HPD: variants seen among roughly 807,000 people sequenced by gnomAD.
The protein encoded by HPD is 4-hydroxyphenylpyruvic acid oxidase.
A neutral mutation model predicts 56.9 loss-of-function variants in HPD; 35 were observed. The observed-to-expected ratio is 0.62, with a 90% CI of 0.47 to 0.82. HPD has a LOEUF of 0.82. Among genes scored for constraint, HPD ranks in the 40% least tolerant of loss-of-function variants. HPD has a pLI of 0.00. For synonymous variants in HPD, 186 were observed against 200.2 expected (o/e 0.93, Z 0.60); for missense variants, 442 against 506.8 (o/e 0.87, Z 1.23).
chr12:121,857,242 G>T (rs1049954384), intron 4 of HPD, 86 bp downstream of exon 4: 7 of 899,428 alleles, frequency 7.8e-6, no homozygotes, highest in Non-Finnish European at 1.1e-5. Context: ...ATCATGCCCA[G>T]CTAATTTTTC....
the HPD span, among the ~76,000 whole-genome samples, chr12:121,870,886 G>A: frequency 6.6e-6 from 1 of 151,774 alleles, no homozygotes; most frequent in South Asian, 2.1e-4. Context: ...ATGAGCCACC[G>A]CACCCGGCCT....
the HPD span, among the ~76,000 whole-genome samples, chr12:121,877,381 G>A: frequency 6.6e-6 from 1 of 152,140 alleles, no homozygotes; most frequent in Non-Finnish European, 1.5e-5. Flanking sequence ...TGAGAGGGGT[G>A]TGAGAGGCTG....
intron 2 of HPD, 103 bp from the exon 3 acceptor site, chr12:121,857,922 C>T (rs1454010485): frequency 2.3e-6 from 2 of 873,626 alleles, no homozygotes; most frequent in East Asian, 2.6e-5. Flanking sequence ...CCAGCCTCAA[C>T]CACAGAACTT....
At chr12:121,872,376 C>T in the HPD span, among the ~76,000 whole-genome samples, 10 of 151,730 alleles carry the variant, frequency 6.6e-5, no homozygotes, top group South Asian at 2.1e-4. Flanking sequence ...AACAGGAGCC[C>T]GCCACCAGGA....
chr12:121,879,340 G>T, the HPD span, among the ~76,000 whole-genome samples: 2 of 151,142 alleles, frequency 1.3e-5, no homozygotes, highest in African/African-American at 4.9e-5. Context: ...CGGGGTGGGG[G>T]GATGAAAATA....
the HPD span, among the ~76,000 whole-genome samples, chr12:121,886,155 C>G: frequency 6.9e-6 from 1 of 144,698 alleles, no homozygotes. Flanking sequence ...CTCGCCCGGG[C>G]TGGAGTGCAG....
At chr12:121,842,713 A>C (rs2137609773) in intron 12 of HPD, among the ~76,000 whole-genome samples, 1 of 149,784 alleles carries the variant, frequency 6.7e-6, no homozygotes, top group African/African-American at 2.5e-5. Context: ...TACAGGCATG[A>C]ACCACCATAC....
chr12:121,869,937 G>GATT, the HPD span, among the ~76,000 whole-genome samples: 12 of 151,918 alleles, frequency 7.9e-5, no homozygotes, highest in East Asian at 3.9e-4. Context: ...GAAGTGGGCT[G>GATT]ATTATTATTA....
upstream of HPD, among the ~76,000 whole-genome samples, chr12:121,864,244 C>CA (rs955664511): frequency 4.0e-5 from 6 of 149,858 alleles, no homozygotes; most frequent in South Asian, 2.1e-4. Context: ...CTCTGTCACA[C>CA]AAAAAAAAGA....
chr12:121,854,593 C>T, intron 7 of HPD, 110 bp downstream of exon 7: 1 of 827,096 alleles, frequency 1.2e-6, no homozygotes, highest in Non-Finnish European at 2.1e-6. Flanking sequence ...GGGACAATGT[C>T]TGTGCTCCAA....
intron 12 of HPD, among the ~76,000 whole-genome samples, chr12:121,843,274 G>T (rs1035770175): frequency 2.0e-5 from 3 of 152,118 alleles, no homozygotes; most frequent in African/African-American, 7.2e-5. Context: ...CTAGGTCATC[G>T]CTCAAAAACA....
At chr12:121,871,550 A>G in the HPD span, among the ~76,000 whole-genome samples, 1 of 152,200 alleles carries the variant, frequency 6.6e-6, no homozygotes, top group Admixed American at 6.5e-5. Flanking sequence ...AGCTGGGACC[A>G]GAGCAGGTGA....
intron 7 of HPD, among the ~76,000 whole-genome samples, chr12:121,853,797 A>T (rs1175037864): frequency 6.6e-6 from 1 of 151,626 alleles, no homozygotes; most frequent in Admixed American, 6.6e-5. Context: ...CACAAAAATT[A>T]GCCGTGTGTG....
rs1338874889 is a variant in HPD, at chr12:121,856,565, C to T, written c.241+18G>A. 7 of 1,613,836 alleles carry T rather than the reference C, an allele frequency of 4.3e-6. No homozygotes were observed. In the East Asian group the frequency reaches 1.3e-4, roughly 31 times the overall value. On this transcript the variant is annotated intron_variant, in intron 5 of 13. Coordinates refer to ENST00000289004, the MANE Select transcript of HPD (RefSeq NM_002150.3). ...CCCACCCACAGAGCCATGCGTCCAC[C>T]CTCCCCGGGCACCTCACCTTTGTTC...
At chr12:121,888,245 T>A in the HPD span, among the ~76,000 whole-genome samples, 4 of 152,214 alleles carry the variant, frequency 2.6e-5, no homozygotes, top group Admixed American at 2.0e-4. Context: ...GAATATTTGT[T>A]AGCAGAAGGA....
intron 11 of HPD, among the ~76,000 whole-genome samples, chr12:121,845,655 T>C (rs1877560575): frequency 6.6e-6 from 1 of 151,356 alleles, no homozygotes; most frequent in Non-Finnish European, 1.5e-5. Flanking sequence ...ACGTTGGTCT[T>C]GAACTTCTGA....
upstream of HPD, among the ~76,000 whole-genome samples, chr12:121,859,670 G>C (rs926328011): frequency 7.9e-5 from 12 of 152,350 alleles, no homozygotes; most frequent in African/African-American, 2.9e-4. Flanking sequence ...GAACTGGTAA[G>C]AGCAGAGCCC....
the HPD span, among the ~76,000 whole-genome samples, chr12:121,885,741 T>C: frequency 6.6e-6 from 1 of 151,016 alleles, no homozygotes; most frequent in Admixed American, 6.6e-5. Flanking sequence ...GGCGGGTGGA[T>C]TGCCTGAGGT....
chr12:121,857,508 G>GC, intron 3 of HPD, 76 bp from the exon 4 acceptor site: 1 of 1,131,804 alleles, frequency 8.8e-7, no homozygotes. Context: ...AGAGCCCCTG[G>GC]CCCCCCTCAG....
Sources: gnomAD v4.1 joint callset for allele counts (sites outside exome capture counted in the v4.1 genomes callset) on GRCh38, gnomAD v4.1.1 for gene constraint, MANE v1.5 for transcripts, NCBI Gene and HGNC (gene_info 2026-07-23, HGNC 2026-07-21) for gene names.